The following PDE4D variants were observed in gnomAD, a reference collection of about 807,000 sequenced individuals.
PDE4D encodes the protein 3',5'-cyclic-AMP phosphodiesterase 4D.
A neutral mutation model predicts 87.4 loss-of-function variants in PDE4D; 24 were observed. The ratio of observed to expected loss-of-function variants is 0.27; its 90% CI spans 0.20 to 0.39. The LOEUF is 0.39. PDE4D is among the 10% of genes least tolerant of loss of function. PDE4D has a pLI of 1.00. For synonymous variants in PDE4D, 384 were observed against 383.2 expected (o/e 1.00, Z -0.02); for missense variants, 714 against 1,041.0 (o/e 0.69, Z 4.32).
chr5:60,020,511 C>A (rs1042781061), intron 2 of PDE4D, among the ~76,000 whole-genome samples: 8 of 152,128 alleles, frequency 5.3e-5, no homozygotes, highest in African/African-American at 1.9e-4. Flanking sequence ...CATACACACA[C>A]AAACATACAG....
chr5:60,460,679 C>T (rs1270767997), intron 1 of PDE4D: 1 of 1,019,766 alleles, frequency 9.8e-7, no homozygotes. Flanking sequence ...GGTCCCAGAG[C>T]AGGAGGCATT....
At chr5:60,012,203 T>C (rs925311557) in intron 2 of PDE4D, among the ~76,000 whole-genome samples, 34 of 152,310 alleles carry the variant, frequency 2.2e-4, no homozygotes, top group Admixed American at 5.2e-4. Flanking sequence ...AAGAAATTAA[T>C]TGAACTTTTT....
At chr5:59,241,725 A>G (rs1415697498) in intron 1 of PDE4D, among the ~76,000 whole-genome samples, 1 of 152,106 alleles carries the variant, frequency 6.6e-6, no homozygotes, top group Non-Finnish European at 1.5e-5. Context: ...GGCATTTAAG[A>G]GGGCTTTTCT....
chr5:59,356,665 A>G (rs904803638), intron 1 of PDE4D: 10 of 920,084 alleles, frequency 1.1e-5, no homozygotes, highest in Admixed American at 3.4e-5. Context: ...AAGCATTAGG[A>G]GTTAGAAGGT....
At chr5:59,620,834 G>A (rs1830263654) in intron 1 of PDE4D, among the ~76,000 whole-genome samples, 1 of 152,176 alleles carries the variant, frequency 6.6e-6, no homozygotes, top group Non-Finnish European at 1.5e-5. Context: ...CTTTTACTCA[G>A]CAAAGTATTG....
At chr5:59,137,267 A>G (rs938076979) in intron 5 of PDE4D, among the ~76,000 whole-genome samples, 7 of 152,190 alleles carry the variant, frequency 4.6e-5, no homozygotes, top group African/African-American at 1.7e-4. Context: ...TTCCAAAACT[A>G]GAAATGTTTT....
At position 59,619,264 on chromosome 5, in the gene PDE4D, G is replaced by A. The variant is rs557963931; in HGVS notation, c.455+273904C>T. On this transcript the variant is annotated intron_variant, in intron 1 of 14. Coordinates refer to ENST00000340635, the MANE Select transcript of PDE4D (RefSeq NM_001104631.2). ...TGGTAGAGCAGATTGGATGAGATGG[G>A]AAGGGAATGGAGGCAAGGAGGCTCT... Among the ~76,000 whole-genome samples the A allele has an allele frequency of 1.2e-3, 186 of 152,234 alleles. 1 individual carries two copies. Among genetic ancestry groups the A allele is most frequent in the African/African-American group, 4.3e-3 (180 of 41,554 alleles).
At chr5:59,665,324 C>A (rs933080482) in intron 1 of PDE4D, among the ~76,000 whole-genome samples, 1 of 152,204 alleles carries the variant, frequency 6.6e-6, no homozygotes, top group Non-Finnish European at 1.5e-5. Context: ...GTTCTGAGGA[C>A]TATTATTGAT....
intron 1 of PDE4D, among the ~76,000 whole-genome samples, chr5:59,782,178 T>C (rs915873718): frequency 5.9e-5 from 9 of 152,232 alleles, no homozygotes; most frequent in African/African-American, 2.2e-4. Context: ...TCTAAAATAC[T>C]GCTGCTTTTT....
chr5:59,085,701 C>G (rs560488960), intron 5 of PDE4D, among the ~76,000 whole-genome samples: 1 of 152,230 alleles, frequency 6.6e-6, no homozygotes, highest in South Asian at 2.1e-4. Flanking sequence ...AGTTTACAAT[C>G]TTTCTTGGGG....
chr5:59,794,523 T>G (rs1273514501), intron 1 of PDE4D, among the ~76,000 whole-genome samples: 1 of 152,040 alleles, frequency 6.6e-6, no homozygotes. Flanking sequence ...TTTCAGAGCC[T>G]TCCCTCAGGG....
chr5:60,065,487 G>T (rs1354045930), intron 2 of PDE4D, among the ~76,000 whole-genome samples: 1 of 151,820 alleles, frequency 6.6e-6, no homozygotes, highest in Admixed American at 6.6e-5. Context: ...TGTACAATGT[G>T]CAGGTTAGTT....
intron 1 of PDE4D, among the ~76,000 whole-genome samples, chr5:60,378,601 C>T (rs994586772): frequency 4.6e-5 from 7 of 152,228 alleles, no homozygotes; most frequent in African/African-American, 1.7e-4. Context: ...TACCTGTAAT[C>T]CCAGCACTTT....
At chr5:60,372,740 G>A (rs373517821) in intron 1 of PDE4D, 21 of 152,112 alleles carry the variant, frequency 1.4e-4, no homozygotes, top group African/African-American at 3.6e-4. Context: ...GACCTCTCCC[G>A]GACTCAGGTT....
intron 1 of PDE4D, among the ~76,000 whole-genome samples, chr5:60,482,056 C>CA (rs1456053055): frequency 6.6e-6 from 1 of 152,070 alleles, no homozygotes; most frequent in Non-Finnish European, 1.5e-5. Flanking sequence ...CATATCGTCC[C>CA]AAAATTCATA....
At chr5:58,979,078 T>G (rs1744496934) in intron 11 of PDE4D, among the ~76,000 whole-genome samples, 1 of 152,192 alleles carries the variant, frequency 6.6e-6, no homozygotes, top group Non-Finnish European at 1.5e-5. Flanking sequence ...TTGGCTTATA[T>G]GAAGCTGAAG....
At chr5:59,253,558 A>AT (rs553664663) in intron 1 of PDE4D, among the ~76,000 whole-genome samples, 2 of 152,016 alleles carry the variant, frequency 1.3e-5, no homozygotes, top group African/African-American at 2.4e-5. Context: ...AAATGTATGC[A>AT]TTTTTTTCAT....
At chr5:59,974,412 T>A (rs1292829147) in intron 3 of PDE4D, among the ~76,000 whole-genome samples, 3 of 152,146 alleles carry the variant, frequency 2.0e-5, no homozygotes, top group Admixed American at 6.6e-5. Flanking sequence ...TCATATTTTT[T>A]AAAAAATCAG....
At chr5:59,652,528 A>C (rs1292791048) in intron 1 of PDE4D, among the ~76,000 whole-genome samples, 2 of 152,198 alleles carry the variant, frequency 1.3e-5, no homozygotes, top group Admixed American at 6.5e-5. Context: ...TCCCTGCAAA[A>C]TATACGAAAC....
Sources: allele counts gnomAD v4.1 joint callset (sites outside exome capture counted in the v4.1 genomes callset), GRCh38; gene constraint gnomAD v4.1.1; transcripts MANE v1.5; gene names NCBI Gene and HGNC (gene_info 2026-07-23, HGNC 2026-07-21).